The following ARHGAP12 variants were observed in gnomAD, a reference collection of about 807,000 sequenced individuals.
The protein encoded by ARHGAP12 is Rho GTPase activating protein 12, also known as rho GTPase-activating protein 12.
A neutral mutation model predicts 108.6 loss-of-function variants in ARHGAP12; 64 were observed. That is an observed-to-expected ratio of 0.59 (90% CI 0.48 to 0.73). ARHGAP12 has a LOEUF of 0.73. Ranked by LOEUF, ARHGAP12 falls within the 30% of genes least tolerant of loss-of-function variation. The pLI is 0.00. For missense variants in ARHGAP12, 940 were observed against 1,005.9 expected, an observed-to-expected ratio of 0.93 and a Z score of 0.89; for synonymous variants, 312 against 337.2, an observed-to-expected ratio of 0.93 and a Z score of 0.82.
At chr10:31,909,993 C>A (rs1447904143) in intron 2 of ARHGAP12, among the ~76,000 whole-genome samples, 1 of 152,110 alleles carries the variant, frequency 6.6e-6, no homozygotes, top group Non-Finnish European at 1.5e-5. Flanking sequence ...TGGAGTGAAG[C>A]AGCTAAAAGC....
At position 31,818,578 on chromosome 10, in the gene ARHGAP12, G is replaced by A. The variant is rs182169314; in HGVS notation, c.1633-692C>T. 3.3e-5 allele frequency among the ~76,000 whole-genome samples: 5 copies of A among 152,146 alleles called. No homozygotes were observed. In the East Asian group the frequency reaches 5.8e-4, roughly 18 times the overall value. On this transcript the variant is annotated intron_variant, in intron 12 of 19. Transcript: ENST00000344936. ...GTGGAAAGCACTCCTCCCATTTTCC[G>A]ATTAAAAACTGATTTTTTTTCCTAG...
At chr10:31,896,819 GAACA>G (rs2132421040) in intron 3 of ARHGAP12, among the ~76,000 whole-genome samples, 1 of 152,212 alleles carries the variant, frequency 6.6e-6, no homozygotes, top group African/African-American at 2.4e-5. Flanking sequence ...GATAAAAGCT[GAACA>G]AACTGAAAAT....
In ARHGAP12 at chr10:31,889,619, G is replaced by GTTTTTTT. The variant is rs869116452; in HGVS notation, c.684+18546_684+18552dup. ...TGATTTTCTTTTCTTAATTTTTCTC[G>GTTTTTTT]TTTTTTTTTTTTTTTTTTTTTTTTT... On this transcript the variant is annotated intron_variant, in intron 3 of 19. Transcript: ENST00000344936. 1.3e-3 allele frequency among the ~76,000 whole-genome samples: 89 copies of GTTTTTTT among 66,448 alleles called. 2 individuals are homozygous for GTTTTTTT. Among genetic ancestry groups the GTTTTTTT allele is most frequent in the Non-Finnish European group, 1.8e-3 (67 of 37,876 alleles). The allele number at this position is 66,448 out of a possible 152,430, so 43.6% of individuals were successfully genotyped here. A position where few individuals can be genotyped will look rare whatever the true frequency, so the allele number is the denominator to read the frequency against.
At chr10:31,866,619 CCT>C (rs928875299) in intron 3 of ARHGAP12, among the ~76,000 whole-genome samples, 5 of 151,674 alleles carry the variant, frequency 3.3e-5, no homozygotes, top group African/African-American at 1.2e-4. Context: ...GGAAATGCTC[CCT>C]TTTTTTTTTG....
At chr10:31,857,280 T>G (rs1448542904) in intron 4 of ARHGAP12, among the ~76,000 whole-genome samples, 1 of 152,160 alleles carries the variant, frequency 6.6e-6, no homozygotes, top group Non-Finnish European at 1.5e-5. Context: ...GTTTAAAACT[T>G]TTCAAAGTAG....
At chr10:31,822,412 C>T (rs1325014360) in intron 11 of ARHGAP12, among the ~76,000 whole-genome samples, 2 of 152,134 alleles carry the variant, frequency 1.3e-5, no homozygotes, top group Admixed American at 6.6e-5. Flanking sequence ...CAATGCACAA[C>T]AGCAAAATGA....
At chr10:31,862,751 C>A (rs1162510322) in intron 3 of ARHGAP12, among the ~76,000 whole-genome samples, 1 of 148,972 alleles carries the variant, frequency 6.7e-6, no homozygotes, top group East Asian at 2.0e-4. Context: ...CACACACACA[C>A]GCCTCCGACG....
intron 7 of ARHGAP12, among the ~76,000 whole-genome samples, chr10:31,840,425 A>G (rs924505365): frequency 6.6e-6 from 1 of 152,012 alleles, no homozygotes; most frequent in Non-Finnish European, 1.5e-5. Context: ...AGATGTTGAT[A>G]GGACTATTCA....
rs34453459 is a variant in ARHGAP12, at chr10:31,811,542, CTT to C, written c.1952-797_1952-796del. 4.0e-3 allele frequency among the ~76,000 whole-genome samples: 549 copies of C among 135,996 alleles called. 1 individual carries two copies. Among genetic ancestry groups the C allele is most frequent in the East Asian group, 0.011 (49 of 4,590 alleles). 89.2% of individuals were successfully genotyped at this position (135,996 alleles called of 152,430 possible). ...AGTTTCTATTCACTTATTTGCCAGG[CTT>C]TTTTTTTTTTTTTTTAAGTTTTTAA... On this transcript the variant is annotated intron_variant, in intron 15 of 19. Transcript: ENST00000344936.
At chr10:31,809,387 A>G in intron 16 of ARHGAP12, 80 bp from the exon 17 acceptor site, 2 of 1,299,028 alleles carry the variant, frequency 1.5e-6, no homozygotes, top group Non-Finnish European at 2.2e-6. Flanking sequence ...CATGTGTCAG[A>G]ATTCCCACTC....
intron 1 of ARHGAP12, among the ~76,000 whole-genome samples, chr10:31,915,325 G>A (rs987480639): frequency 2.0e-4 from 31 of 151,652 alleles, no homozygotes; most frequent in Non-Finnish European, 2.9e-5. Context: ...GGCGGAGGTC[G>A]TGGTGGGCCA....
At chr10:31,881,993 C>A (rs572221455) in intron 3 of ARHGAP12, among the ~76,000 whole-genome samples, 46 of 149,944 alleles carry the variant, frequency 3.1e-4, no homozygotes, top group Non-Finnish European at 5.0e-4. Context: ...CGGCTCACTG[C>A]AAGCTCCGCC....
At chr10:31,880,142 T>G (rs992013517) in intron 3 of ARHGAP12, among the ~76,000 whole-genome samples, 1 of 152,252 alleles carries the variant, frequency 6.6e-6, no homozygotes, top group Non-Finnish European at 1.5e-5. Flanking sequence ...CATGAATAAT[T>G]CATTATTCAA....
chr10:31,845,327 C>T (rs970594237), intron 6 of ARHGAP12, among the ~76,000 whole-genome samples: 1 of 152,056 alleles, frequency 6.6e-6, no homozygotes, highest in African/African-American at 2.4e-5. Flanking sequence ...CTTTTTAATT[C>T]CATTATTTCT....
chr10:31,886,934 CA>C, intron 3 of ARHGAP12, among the ~76,000 whole-genome samples: 1 of 152,174 alleles, frequency 6.6e-6, no homozygotes, highest in East Asian at 1.9e-4. Flanking sequence ...CTTTCTCTTA[CA>C]GTATCTAATT....
intron 3 of ARHGAP12, among the ~76,000 whole-genome samples, chr10:31,892,119 A>G (rs1838468892): frequency 6.6e-6 from 1 of 152,224 alleles, no homozygotes; most frequent in Non-Finnish European, 1.5e-5. Context: ...AGCACTAAAC[A>G]TGGAAAGGAA....
intron 3 of ARHGAP12, among the ~76,000 whole-genome samples, chr10:31,873,270 C>T (rs999222097): frequency 6.6e-6 from 1 of 152,128 alleles, no homozygotes; most frequent in Non-Finnish European, 1.5e-5. Flanking sequence ...TTTTACAGTA[C>T]ATCTCAATTC....
chr10:31,907,792 T>C (rs1839197268), intron 3 of ARHGAP12, among the ~76,000 whole-genome samples: 1 of 152,180 alleles, frequency 6.6e-6, no homozygotes, highest in Non-Finnish European at 1.5e-5. Context: ...TGAAGACTTC[T>C]TGGAACCAAG....
Position 31,808,746 on chromosome 10 carries a change from C to A in ARHGAP12, c.2269G>T (p.Glu757Ter), listed in dbSNP as rs1253512015. 2 of 1,612,870 alleles carry A rather than the reference C, an allele frequency of 1.2e-6. No homozygotes were observed. Among genetic ancestry groups the A allele is most frequent in the South Asian group, 1.1e-5 (1 of 90,844 alleles). ...FNDFVNAIKQEPRQRVAAVKD... is the reference protein window; with the variant it reads ...FNDFVNAIKQ Reference sequence around the variant, plus strand: ...ACAGCAGCGACTCGCTGTCTTGGTTCTTGCTCTGAAAAAAGATAATAACCA... The same window carrying A: ...ACAGCAGCGACTCGCTGTCTTGGTTATTGCTCTGAAAAAAGATAATAACCA... The change falls in exon 19 of 20, where the codon GAA (glutamate) becomes TAA (stop). Residue 757 changes from glutamate to a stop codon, truncating the protein, a stop_gained. Transcript: ENST00000344936. LOFTEE classifies it high-confidence loss of function.
Sources: allele counts gnomAD v4.1 joint callset (sites outside exome capture counted in the v4.1 genomes callset), GRCh38; gene constraint gnomAD v4.1.1; transcripts MANE v1.5; gene names NCBI Gene and HGNC (gene_info 2026-07-23, HGNC 2026-07-21).